CHL1: variants seen among roughly 807,000 people sequenced by gnomAD.
CHL1 encodes cell adhesion molecule L1 like.
In CHL1, 96 loss-of-function variants were observed where a neutral mutation model predicts 141.9. The ratio of observed to expected loss-of-function variants is 0.68; its 90% CI spans 0.57 to 0.80. The LOEUF (loss-of-function observed/expected upper bound fraction) is 0.80, where lower values mean the gene tolerates loss of function less well. CHL1 is among the 30% of genes least tolerant of loss of function. CHL1 has a pLI of 0.00. For synonymous variants in CHL1, 613 were observed against 502.2 expected, an observed-to-expected ratio of 1.22 and a Z score of -2.95; for missense variants, 1,820 against 1,457.2, an observed-to-expected ratio of 1.25 and a Z score of -4.05.
At chr3:318,418 A>G (rs558117334) in intron 2 of CHL1, among the ~76,000 whole-genome samples, 2 of 151,972 alleles carry the variant, frequency 1.3e-5, no homozygotes, top group East Asian at 3.9e-4. Flanking sequence ...AAACAAAATT[A>G]CATACCTGAA....
chr3:349,518 T>C lies in CHL1; in HGVS notation c.1008T>C (p.Thr336=). The change falls in exon 10 of 28, where the codon ACT becomes ACC. Residue 336 remains threonine (T), a synonymous_variant. Transcript: ENST00000256509. ...CTASNFLGTA[T]HDFHVIVEEP... The stretch of plus-strand genomic sequence containing the variant: ...CCAGCAATTTCTTGGGAACAGCCAC[T>C]CACGATTTTCACGTTATAGTAGAAG... 1 of 1,613,508 alleles carries C rather than the reference T, an allele frequency of 6.2e-7. No homozygotes were observed. The highest frequency in any genetic ancestry group is 1.1e-5 in the South Asian group (1 of 91,048).
chr3:200,108 T>A (rs1186589717), intron 1 of CHL1, among the ~76,000 whole-genome samples: 1 of 152,230 alleles, frequency 6.6e-6, no homozygotes, highest in African/African-American at 2.4e-5. Flanking sequence ...ACATATTGTT[T>A]CCCAGGAGCT....
At position 382,577 on chromosome 3, in the gene CHL1, A is replaced by G. The variant is rs184696793; in HGVS notation, c.2082A>G (p.Pro694=). Residue 694 remains proline (P), a synonymous_variant, in exon 18 of 28, where the codon CCA becomes CCG. Transcript: ENST00000256509. ...CCACAGTTATCTTACCTTTGGCTCC[A>G]TTTGTGAGATACCAGTTCAGGGTCA... ...KKTTVILPLA[P]FVRYQFRVIA... The G allele has an allele frequency of 6.2e-6, 10 of 1,614,006 alleles. No homozygotes were observed. In the East Asian group the frequency reaches 2.0e-4, roughly 32 times the overall value.
chr3:330,075 C>A (rs968864689), intron 5 of CHL1, among the ~76,000 whole-genome samples: 2 of 151,828 alleles, frequency 1.3e-5, no homozygotes, highest in Admixed American at 6.6e-5. Context: ...ACTAACACGG[C>A]AAAATGAGTT....
At chr3:212,819 C>T (rs945549127) in intron 1 of CHL1, among the ~76,000 whole-genome samples, 3 of 152,182 alleles carry the variant, frequency 2.0e-5, no homozygotes, top group African/African-American at 7.2e-5. Context: ...CTTCTTAAAA[C>T]AACCAGCCAT....
intron 1 of CHL1, among the ~76,000 whole-genome samples, chr3:224,211 T>C (rs1701120739): frequency 6.6e-6 from 1 of 152,126 alleles, no homozygotes; most frequent in Admixed American, 6.5e-5. Context: ...GGAAGGGCTA[T>C]TTTTATCCTT....
chr3:197,105 C>A (rs1016800299), intron 1 of CHL1, 42 bp downstream of exon 1: 2 of 150,804 alleles, frequency 1.3e-5, no homozygotes, highest in African/African-American at 5.0e-5. Flanking sequence ...CTCGTGCCGG[C>A]GCTGGGGGGG....
At chr3:311,566 C>G (rs1559236350) in intron 2 of CHL1, among the ~76,000 whole-genome samples, 1 of 152,042 alleles carries the variant, frequency 6.6e-6, no homozygotes. Context: ...CCACATAATC[C>G]AAATATCACC....
At chr3:238,706 C>T (rs1045297944) in intron 1 of CHL1, among the ~76,000 whole-genome samples, 2 of 151,784 alleles carry the variant, frequency 1.3e-5, no homozygotes, top group African/African-American at 4.8e-5. Context: ...GGGTGGATCA[C>T]CTGAGGTCAG....
chr3:275,723 T>C (rs1462401432), intron 2 of CHL1, among the ~76,000 whole-genome samples: 1 of 152,216 alleles, frequency 6.6e-6, no homozygotes, highest in Non-Finnish European at 1.5e-5. Context: ...AACTTGTTAT[T>C]GTTCTATAAT....
chr3:296,860 G>T (rs1039348386), intron 2 of CHL1, among the ~76,000 whole-genome samples: 1 of 152,194 alleles, frequency 6.6e-6, no homozygotes, highest in African/African-American at 2.4e-5. Flanking sequence ...GAATATATGT[G>T]CATGTAATTA....
chr3:323,972 T>G (rs1700803963), intron 3 of CHL1, among the ~76,000 whole-genome samples: 1 of 152,136 alleles, frequency 6.6e-6, no homozygotes, highest in Non-Finnish European at 1.5e-5. Flanking sequence ...TACTTTAACA[T>G]TGAATTATTT....
intron 7 of CHL1, 115 bp from the exon 8 acceptor site, chr3:342,869 A>G: frequency 1.4e-6 from 1 of 694,490 alleles, no homozygotes; most frequent in South Asian, 2.1e-5. Flanking sequence ...CTAGTGAAGC[A>G]TGGTTCTACA....
chr3:299,556 G>A (rs1489040155), intron 2 of CHL1, among the ~76,000 whole-genome samples: 2 of 152,126 alleles, frequency 1.3e-5, no homozygotes, highest in South Asian at 2.1e-4. Flanking sequence ...ACAATATTAG[G>A]TACACATTTT....
intron 2 of CHL1, among the ~76,000 whole-genome samples, chr3:303,782 AG>A (rs1698973228): frequency 6.6e-6 from 1 of 152,134 alleles, no homozygotes; most frequent in Non-Finnish European, 1.5e-5. Flanking sequence ...GTGGTGAGAG[AG>A]GGCATCCTTG....
rs11374109 is a variant in CHL1, at chr3:400,586, C to CTTTTTTTTT, written c.3386-1033_3386-1025dup. 2.1e-5 allele frequency among the ~76,000 whole-genome samples: 3 copies of CTTTTTTTTT among 139,544 alleles called. 1 individual carries two copies. Among genetic ancestry groups the CTTTTTTTTT allele is most frequent in the African/African-American group, 5.5e-5 (2 of 36,636 alleles). The allele number at this position is 139,544 out of a possible 152,430, so 91.5% of individuals were successfully genotyped here. A position where few individuals can be genotyped will look rare whatever the true frequency, so the allele number is the denominator to read the frequency against. ...AGGAAGAACAATTTGTATTTGAGGG[C>CTTTTTTTTT]TTTTTTTTTTTTTTTAAGTAAAGGG... On this transcript the variant is annotated intron_variant, in intron 26 of 27. Transcript: ENST00000256509.
rs1162426666 is a variant in CHL1, at chr3:391,088, C to T, written c.2720C>T (p.Thr907Ile). 2 of 1,613,890 alleles carry T rather than the reference C, an allele frequency of 1.2e-6. No individual in the cohort carries two copies. Among genetic ancestry groups the T allele is most frequent in the South Asian group, 1.1e-5 (1 of 91,080 alleles). ...SLDAFSEFHL[T>I]VLAYNSKGAG... Reference sequence around the variant, plus strand: ...GATGCCTTTAGTGAATTTCATTTAACAGTCTTAGCCTATAACTCTAAAGGA... The same window carrying T: ...GATGCCTTTAGTGAATTTCATTTAATAGTCTTAGCCTATAACTCTAAAGGA... Residue 907 changes from threonine (T) to isoleucine (I), a missense_variant, in exon 22 of 28, where the codon ACA becomes ATA. Physicochemically the swap from Thr to Ile is moderately conservative, Grantham distance 89. Coordinates refer to ENST00000256509, the MANE Select transcript of CHL1 (RefSeq NM_006614.4).
chr3:289,775 A>T (rs1294883049), intron 2 of CHL1, among the ~76,000 whole-genome samples: 1 of 151,642 alleles, frequency 6.6e-6, no homozygotes, highest in East Asian at 1.9e-4. Flanking sequence ...TATTTAATAC[A>T]TATTGATTTA....
intron 2 of CHL1, among the ~76,000 whole-genome samples, chr3:283,631 C>T (rs1389399862): frequency 6.6e-6 from 1 of 152,184 alleles, no homozygotes; most frequent in Non-Finnish European, 1.5e-5. Context: ...ATGAGGAATA[C>T]AGACTCTAGT....
Sources: allele counts gnomAD v4.1 joint callset (sites outside exome capture counted in the v4.1 genomes callset), GRCh38; gene constraint gnomAD v4.1.1; transcripts MANE v1.5; gene names NCBI Gene and HGNC (gene_info 2026-07-23, HGNC 2026-07-21).